Variants in SSBP3 observed in about 807,000 individuals in gnomAD.
SSBP3 encodes single-stranded DNA-binding protein 3.
In SSBP3, 5 loss-of-function variants were observed where a neutral mutation model predicts 69.6. That is an observed-to-expected ratio of 0.07 (90% CI 0.04 to 0.15). The LOEUF (loss-of-function observed/expected upper bound fraction) is 0.15, where lower values mean the gene tolerates loss of function less well. Among genes scored for constraint, SSBP3 ranks in the 10% least tolerant of loss-of-function variants. The pLI is 1.00. For synonymous variants in SSBP3, 196 were observed against 193.4 expected (o/e 1.01, Z -0.11); for missense variants, 312 against 534.0 (o/e 0.58, Z 4.10).
At chr1:54,404,798 C>T (rs1649576970) in intron 2 of SSBP3, 60 bp downstream of exon 2, 1 of 1,081,976 alleles carries the variant, frequency 9.2e-7, no homozygotes, top group South Asian at 1.3e-5. Context: ...AACAAAGGCT[C>T]TAAGAATAGT....
chr1:54,309,916 T>C (rs1051507187), intron 4 of SSBP3, among the ~76,000 whole-genome samples: 3 of 152,172 alleles, frequency 2.0e-5, no homozygotes, highest in African/African-American at 7.2e-5. Context: ...TAAAATGCTC[T>C]TGTTGCTCGG....
At chr1:54,348,852 A>ACC (rs1483195494) in intron 4 of SSBP3, among the ~76,000 whole-genome samples, 2 of 151,866 alleles carry the variant, frequency 1.3e-5, no homozygotes, top group Admixed American at 1.3e-4. Flanking sequence ...TCTAAATCTC[A>ACC]CCTCCTCTCC....
chr1:54,406,532 G>C (rs1199064813), upstream of SSBP3: 22 of 152,050 alleles, frequency 1.4e-4, 1 homozygote, highest in East Asian at 3.5e-3. Context: ...CCCTGACAGC[G>C]CCGGCCGCGG....
At chr1:54,263,030 A>T (rs1044027584) in intron 5 of SSBP3, among the ~76,000 whole-genome samples, 1 of 152,150 alleles carries the variant, frequency 6.6e-6, no homozygotes, top group Non-Finnish European at 1.5e-5. Context: ...CTGTAATTTC[A>T]GCACTGGGTA....
chr1:54,229,614 C>G (rs140549734), intron 14 of SSBP3, among the ~76,000 whole-genome samples: 4 of 152,282 alleles, frequency 2.6e-5, no homozygotes, highest in African/African-American at 7.2e-5. Flanking sequence ...CTATCTGGAA[C>G]TATCAAACCC....
chr1:54,257,023 C>T, intron 7 of SSBP3, 104 bp downstream of exon 7: 2 of 1,222,836 alleles, frequency 1.6e-6, no homozygotes, highest in Middle Eastern at 2.1e-4. Flanking sequence ...AAACCTGCCC[C>T]TCCACCCCTC....
Position 54,251,211 on chromosome 1 carries a change from G to A in SSBP3, c.651+405C>T, listed in dbSNP as rs576599621. ...AGAGCTAGGAAGGCCACTCATCTGCGCCGCCTCTGGGACACAACCGATGGT... is the reference window on the plus strand; with the variant it reads ...AGAGCTAGGAAGGCCACTCATCTGCACCGCCTCTGGGACACAACCGATGGT... On this transcript the variant is annotated intron_variant, in intron 9 of 17. Transcript: ENST00000610401. Among the ~76,000 whole-genome samples the A allele has an allele frequency of 5.3e-5, 8 of 152,314 alleles. No homozygotes were observed. In the East Asian group the frequency reaches 9.7e-4, roughly 18 times the overall value.
intron 7 of SSBP3, 23 bp downstream of exon 7, chr1:54,257,104 G>A (rs993921581): frequency 1.9e-6 from 3 of 1,595,354 alleles, no homozygotes; most frequent in Non-Finnish European, 2.6e-6. Context: ...GGAGGGGAGA[G>A]AGAACATGAA....
chr1:54,340,058 T>C (rs1646579379), intron 4 of SSBP3, among the ~76,000 whole-genome samples: 1 of 152,148 alleles, frequency 6.6e-6, no homozygotes, highest in Non-Finnish European at 1.5e-5. Context: ...TAACACACCT[T>C]TCTTCCCCCA....
intron 4 of SSBP3, among the ~76,000 whole-genome samples, chr1:54,332,150 G>GA (rs1292976586): frequency 1.3e-5 from 2 of 152,324 alleles, no homozygotes; most frequent in Non-Finnish European, 2.9e-5. Flanking sequence ...CAAAGCCTGT[G>GA]AGCCTTCCCC....
At chr1:54,252,927 G>GC (rs1644854902) in intron 7 of SSBP3, among the ~76,000 whole-genome samples, 1 of 152,186 alleles carries the variant, frequency 6.6e-6, no homozygotes, top group African/African-American at 2.4e-5. Flanking sequence ...GTCCTCAAGG[G>GC]CCCCCAGCCC....
chr1:54,288,975 G>A (rs1246754882), intron 4 of SSBP3, among the ~76,000 whole-genome samples: 4 of 137,392 alleles, frequency 2.9e-5, no homozygotes, highest in East Asian at 2.7e-4. Flanking sequence ...AGCCGAGATC[G>A]TGCCACTGCA....
At chr1:54,319,706 C>A (rs1646178417) in intron 4 of SSBP3, among the ~76,000 whole-genome samples, 1 of 151,924 alleles carries the variant, frequency 6.6e-6, no homozygotes, top group South Asian at 2.1e-4. Flanking sequence ...ACAATGACCA[C>A]CTGCAGGAAA....
At chr1:54,383,888 C>T (rs545389168) in intron 4 of SSBP3, among the ~76,000 whole-genome samples, 19 of 152,146 alleles carry the variant, frequency 1.2e-4, no homozygotes, top group South Asian at 1.2e-3. Flanking sequence ...GGGCGGATCA[C>T]GAGGTCAGGA....
At chr1:54,361,538 T>TC (rs1646952383) in intron 4 of SSBP3, among the ~76,000 whole-genome samples, 1 of 152,036 alleles carries the variant, frequency 6.6e-6, no homozygotes, top group South Asian at 2.1e-4. Flanking sequence ...AGCAAGGCCC[T>TC]CCCAGGCTGA....
intron 4 of SSBP3, among the ~76,000 whole-genome samples, chr1:54,329,202 A>AGGGAGGCG (rs1646363426): frequency 1.3e-5 from 2 of 151,694 alleles, no homozygotes; most frequent in African/African-American, 4.9e-5. Context: ...CATCAAAGGC[A>AGGGAGGCG]GGGAGGGAGG....
chr1:54,278,065 A>G (rs969611634), intron 5 of SSBP3, among the ~76,000 whole-genome samples: 1 of 152,216 alleles, frequency 6.6e-6, no homozygotes, highest in Non-Finnish European at 1.5e-5. Context: ...GGGTCCAGAG[A>G]TGGGGAGCAA....
At chr1:54,294,322 T>C (rs1243158567) in intron 4 of SSBP3, among the ~76,000 whole-genome samples, 5 of 151,146 alleles carry the variant, frequency 3.3e-5, no homozygotes, top group Non-Finnish European at 5.9e-5. Flanking sequence ...GCCCCTCCCC[T>C]CCAAATAACA....
chr1:54,279,918 A>G (rs978412254), intron 5 of SSBP3, among the ~76,000 whole-genome samples: 76 of 152,300 alleles, frequency 5.0e-4, no homozygotes, highest in African/African-American at 1.7e-3. Flanking sequence ...CCTTGCCCCA[A>G]GCTGAGACCC....
Sources: allele counts gnomAD v4.1 joint callset (sites outside exome capture counted in the v4.1 genomes callset), GRCh38; gene constraint gnomAD v4.1.1; transcripts MANE v1.5; gene names NCBI Gene and HGNC (gene_info 2026-07-23, HGNC 2026-07-21).